RBMS1: variants seen among roughly 807,000 people sequenced by gnomAD.
RBMS1 encodes the protein RNA binding motif single stranded interacting protein 1.
Under a neutral mutation model 62.3 loss-of-function variants are expected in RBMS1, and 17 were observed. That is an observed-to-expected ratio of 0.27 (90% CI 0.19 to 0.41). The LOEUF (loss-of-function observed/expected upper bound fraction) is 0.41, where lower values mean the gene tolerates loss of function less well. Ranked by LOEUF, RBMS1 falls within the 10% of genes least tolerant of loss-of-function variation. The pLI is 1.00. For missense variants in RBMS1, 334 were observed against 504.5 expected, an observed-to-expected ratio of 0.66 and a Z score of 3.24; for synonymous variants, 172 against 170.0, an observed-to-expected ratio of 1.01 and a Z score of -0.09.
At chr2:160,385,323 T>C (rs533983696) in intron 1 of RBMS1, among the ~76,000 whole-genome samples, 5 of 152,198 alleles carry the variant, frequency 3.3e-5, no homozygotes, top group Non-Finnish European at 5.9e-5. Flanking sequence ...ATCCCCCTCG[T>C]CCTACTCAGG....
intron 2 of RBMS1, among the ~76,000 whole-genome samples, chr2:160,342,892 C>T (rs1385677052): frequency 6.6e-6 from 1 of 151,952 alleles, no homozygotes; most frequent in African/African-American, 2.4e-5. Context: ...GAGCTGAGAT[C>T]ATGCCATCGC....
chr2:160,438,871 G>A (rs1384798465), intron 1 of RBMS1, among the ~76,000 whole-genome samples: 7 of 149,506 alleles, frequency 4.7e-5, no homozygotes, highest in East Asian at 4.0e-4. Context: ...CGGACAGGGC[G>A]GCTGGCCGGA....
At chr2:160,311,245 T>TATAG (rs1177695691) in intron 4 of RBMS1, among the ~76,000 whole-genome samples, 7 of 141,200 alleles carry the variant, frequency 5.0e-5, no homozygotes, top group Non-Finnish European at 9.3e-5. Context: ...TATATATATA[T>TATAG]ATATATATAT....
intron 1 of RBMS1, among the ~76,000 whole-genome samples, chr2:160,471,870 C>T (rs73008341): frequency 0.025 from 3,816 of 151,510 alleles, 142 homozygotes; most frequent in African/African-American, 0.083. Context: ...GGGAGGCAAA[C>T]ATTTCATTTC....
At chr2:160,455,440 AAAG>A (rs765978873) in intron 1 of RBMS1, among the ~76,000 whole-genome samples, 3 of 152,366 alleles carry the variant, frequency 2.0e-5, no homozygotes, top group African/African-American at 2.4e-5. Context: ...GGGTGAGAAG[AAAG>A]AAGAAGATAA....
At chr2:160,456,132 G>GA (rs1181881734) in intron 1 of RBMS1, among the ~76,000 whole-genome samples, 1 of 152,042 alleles carries the variant, frequency 6.6e-6, no homozygotes, top group Non-Finnish European at 1.5e-5. Context: ...ATAATTTCAG[G>GA]AAAAAACAAA....
intron 9 of RBMS1, chr2:160,282,135 G>T: frequency 2.2e-6 from 2 of 900,732 alleles, no homozygotes; most frequent in Non-Finnish European, 3.3e-6. Flanking sequence ...ATTTTATTAA[G>T]TTTCAGTTTC....
chr2:160,308,111 T>C (rs1486870159), intron 4 of RBMS1, among the ~76,000 whole-genome samples: 5 of 152,150 alleles, frequency 3.3e-5, no homozygotes, highest in African/African-American at 1.2e-4. Context: ...CTTAAACTCC[T>C]TTTAAAAATC....
At chr2:160,407,587 GC>G (rs1466336403) in intron 1 of RBMS1, 4 of 982,450 alleles carry the variant, frequency 4.1e-6, no homozygotes, top group Non-Finnish European at 4.8e-6. Context: ...GGGCAGCCTC[GC>G]CGCGAGGGGG....
intron 1 of RBMS1, among the ~76,000 whole-genome samples, chr2:160,386,206 A>G (rs1445064363): frequency 6.6e-6 from 1 of 152,210 alleles, no homozygotes; most frequent in African/African-American, 2.4e-5. Flanking sequence ...CCTAAAGTTC[A>G]TTTGTTGAAA....
chr2:160,485,766 G>T (rs1574120285), intron 1 of RBMS1, among the ~76,000 whole-genome samples: 3 of 151,802 alleles, frequency 2.0e-5, no homozygotes, highest in East Asian at 3.9e-4. Flanking sequence ...TGATCATATG[G>T]AATGAAACCT....
intron 1 of RBMS1, among the ~76,000 whole-genome samples, chr2:160,464,369 G>A (rs1042107350): frequency 9.2e-5 from 14 of 152,140 alleles, no homozygotes; most frequent in Middle Eastern, 3.2e-3. Context: ...AGAAAACTGC[G>A]GAAGGATACA....
At chr2:160,362,781 T>A (rs2106019268) in intron 2 of RBMS1, among the ~76,000 whole-genome samples, 1 of 152,304 alleles carries the variant, frequency 6.6e-6, no homozygotes. Flanking sequence ...ATTTGTATTT[T>A]TTTTTAAAAG....
intron 1 of RBMS1, among the ~76,000 whole-genome samples, chr2:160,368,879 A>C (rs1437435161): frequency 1.5e-4 from 23 of 152,166 alleles, no homozygotes; most frequent in Admixed American, 1.5e-3. Context: ...ACCTCAGGTG[A>C]TCCGCTCAAC....
chr2:160,324,907 T>TATATATATATATATACACAC (rs1321182985), intron 2 of RBMS1, among the ~76,000 whole-genome samples: 1 of 106,778 alleles, frequency 9.4e-6, no homozygotes, highest in African/African-American at 4.2e-5. Flanking sequence ...TATATATATA[T>TATATATATATATATACACAC]ACACACACAC....
intron 1 of RBMS1, among the ~76,000 whole-genome samples, chr2:160,415,562 A>C (rs750057897): frequency 1.3e-5 from 2 of 152,218 alleles, no homozygotes; most frequent in African/African-American, 2.4e-5. Flanking sequence ...CAAACCTGGA[A>C]TGACCATGTC....
intron 1 of RBMS1, among the ~76,000 whole-genome samples, chr2:160,431,647 C>T (rs2105287183): frequency 6.6e-6 from 1 of 151,936 alleles, no homozygotes; most frequent in South Asian, 2.1e-4. Context: ...GCACTATTGT[C>T]TTCCTCACCA....
intron 10 of RBMS1, 79 bp downstream of exon 10, chr2:160,281,235 T>G: frequency 8.7e-7 from 1 of 1,155,794 alleles, no homozygotes; most frequent in African/African-American, 1.6e-5. Context: ...ATACCACCCT[T>G]GGCAAATGGT....
intron 2 of RBMS1, among the ~76,000 whole-genome samples, chr2:160,357,796 T>A (rs1018844283): frequency 1.3e-5 from 2 of 152,120 alleles, no homozygotes; most frequent in African/African-American, 4.8e-5. Flanking sequence ...TGCCACCCCC[T>A]AAGAAGACAA....
Sources: gnomAD v4.1 joint callset for allele counts (sites outside exome capture counted in the v4.1 genomes callset) on GRCh38, gnomAD v4.1.1 for gene constraint, MANE v1.5 for transcripts, NCBI Gene and HGNC (gene_info 2026-07-23, HGNC 2026-07-21) for gene names.